Variants in GRM4 observed in about 807,000 individuals in gnomAD.
GRM4 encodes glutamate metabotropic receptor 4, also known as metabotropic glutamate receptor 4.
GRM4 carries 28 observed loss-of-function variants against 81.7 expected under a neutral mutation model. The observed-to-expected ratio is 0.34, with a 90% CI of 0.25 to 0.47. The LOEUF is 0.47. Ranked by LOEUF, GRM4 falls within the 20% of genes least tolerant of loss-of-function variation. GRM4 has a pLI of 1.00. For missense variants in GRM4, 948 were observed against 1,290.0 expected (o/e 0.73, Z 4.06); for synonymous variants, 488 against 528.8 (o/e 0.92, Z 1.06).
At chr6:34,077,723 T>C (rs1457573540) in intron 3 of GRM4, among the ~76,000 whole-genome samples, 1 of 152,122 alleles carries the variant, frequency 6.6e-6, no homozygotes, top group East Asian at 1.9e-4. Context: ...TGCTCTGCCT[T>C]TGATGTCTGA....
intron 2 of GRM4, among the ~76,000 whole-genome samples, chr6:34,128,256 C>T (rs547018548): frequency 2.6e-5 from 4 of 152,334 alleles, no homozygotes; most frequent in South Asian, 2.1e-4. Flanking sequence ...TCCGCATCGC[C>T]GGAGTCCCTC....
In GRM4 at chr6:34,036,035, C is replaced by T. The variant is rs1389375237; in HGVS notation, c.2075G>A (p.Arg692His). Residue 692 changes from arginine to histidine, a missense_variant, in exon 9 of 11, where the codon CGC becomes CAC. Coordinates refer to ENST00000538487, the MANE Select transcript of GRM4 (RefSeq NM_000841.4). The surrounding 1 kb of genome is among the most constrained non-coding windows in gnomAD (Gnocchi z 9.0). The part of the protein sequence containing the change: ...EQGKRSVSAP[R>H]FISPASQLAI... ...CAGCTGTGAGGCGGGGCTGATGAAG[C>T]GTGGGGCACTGACCGAGCGCTTGCC... The T allele has an allele frequency of 2.5e-6, 4 of 1,614,056 alleles. No homozygotes were observed. The highest frequency in any genetic ancestry group is 1.1e-5 in the South Asian group (1 of 91,062).
At chr6:34,072,124 T>TCACCACACAGATACACAGCACACAC (rs1766929717) in intron 3 of GRM4, among the ~76,000 whole-genome samples, 1 of 17,038 alleles carries the variant, frequency 5.9e-5, no homozygotes, top group Non-Finnish European at 1.3e-4. Context: ...ACACCACACA[T>TCACCACACAGATACACAGCACACAC]AGACACACAT....
intron 6 of GRM4, among the ~76,000 whole-genome samples, chr6:34,043,480 C>T (rs1362491894): frequency 6.6e-6 from 1 of 152,186 alleles, no homozygotes; most frequent in African/African-American, 2.4e-5. Context: ...TTGACTCCCC[C>T]ACAGCTCCCA....
intron 2 of GRM4, among the ~76,000 whole-genome samples, chr6:34,101,124 C>T (rs1416749982): frequency 6.6e-6 from 1 of 152,202 alleles, no homozygotes; most frequent in Non-Finnish European, 1.5e-5. Flanking sequence ...CAAGTTCACA[C>T]TCATCACAGG....
chr6:34,059,227 G>T lies in GRM4; in HGVS notation c.873-99C>A. On this transcript the variant is annotated intron_variant, in intron 4 of 10. Transcript: ENST00000538487. The surrounding 1 kb of genome is among the most constrained non-coding windows in gnomAD (Gnocchi z 5.7). ...TTTGGGCCCACGTCCCTCACCCCCAGAAGCCCAGGGTCCACAACTGTCCCA... is the reference window on the plus strand; with the variant it reads ...TTTGGGCCCACGTCCCTCACCCCCATAAGCCCAGGGTCCACAACTGTCCCA... 9.4e-7 allele frequency: 1 copy of T among 1,062,520 alleles called. No homozygotes were observed. The highest frequency in any genetic ancestry group is 1.4e-6 in the Non-Finnish European group (1 of 714,150). The allele number at this position is 1,062,520 out of a possible 1,614,324, so 65.8% of individuals were successfully genotyped here.
chr6:34,043,962 C>T (rs1765133718), intron 6 of GRM4, among the ~76,000 whole-genome samples: 2 of 152,036 alleles, frequency 1.3e-5, no homozygotes, highest in South Asian at 2.1e-4. Flanking sequence ...TCAAGTCTAC[C>T]CCCAGTAGCA....
intron 2 of GRM4, among the ~76,000 whole-genome samples, chr6:34,100,820 C>T (rs1458270095): frequency 6.6e-6 from 1 of 152,224 alleles, no homozygotes; most frequent in Non-Finnish European, 1.5e-5. Context: ...GAATTGCAGT[C>T]GTGAGACCTA....
At chr6:34,023,401 T>C (rs1763984585) in intron 10 of GRM4, among the ~76,000 whole-genome samples, 1 of 152,198 alleles carries the variant, frequency 6.6e-6, no homozygotes, top group Admixed American at 6.5e-5. Flanking sequence ...AACAGTGGCC[T>C]AAGGGAAGAG....
intron 9 of GRM4, among the ~76,000 whole-genome samples, chr6:34,032,396 T>C (rs963720225): frequency 6.6e-6 from 1 of 152,226 alleles, no homozygotes; most frequent in African/African-American, 2.4e-5. Flanking sequence ...CAGCCAGACC[T>C]GCAGCTTGCA....
Position 34,056,529 on chromosome 6 carries a change from G to C in GRM4, c.1168+15C>G. On this transcript the variant is annotated intron_variant, in intron 6 of 10. Coordinates refer to ENST00000538487, the MANE Select transcript of GRM4 (RefSeq NM_000841.4). Reference sequence around the variant, plus strand: ...TCCTAGAGCCCGCCCGGCCCTGCCCGGCCCGCGTGCTCACTGGTGCACTTC... The same window carrying C: ...TCCTAGAGCCCGCCCGGCCCTGCCCCGCCCGCGTGCTCACTGGTGCACTTC... The C allele has an allele frequency of 6.2e-7, 1 of 1,608,286 alleles. No individual in the cohort carries two copies.
intron 9 of GRM4, among the ~76,000 whole-genome samples, chr6:34,030,146 A>G (rs2127438054): frequency 6.6e-6 from 1 of 152,364 alleles, no homozygotes; most frequent in Non-Finnish European, 1.5e-5. Context: ...AAGAAGCTCC[A>G]GAGCATCAAA....
At chr6:34,024,617 G>T in intron 10 of GRM4, 1 of 455,012 alleles carries the variant, frequency 2.2e-6, no homozygotes, top group South Asian at 1.5e-5. Flanking sequence ...GTCCACCATG[G>T]GACCAGTAGG....
chr6:34,114,170 A>G lies in GRM4; in HGVS notation c.519+18808T>C, dbSNP rs1025244080. On this transcript the variant is annotated intron_variant, in intron 2 of 10. Transcript: ENST00000538487. This position sits in a 1 kb window ranked among gnomAD's most constrained non-coding sequence, Gnocchi z 4.3. Reference sequence around the variant, plus strand: ...GCCCTGGGCAGGTCCCCTCCACAGCACCTGTCCCCACTCATGTAAGTGATT... The same window carrying G: ...GCCCTGGGCAGGTCCCCTCCACAGCGCCTGTCCCCACTCATGTAAGTGATT... Among the ~76,000 whole-genome samples, 10 of 152,110 alleles carry G rather than the reference A, an allele frequency of 6.6e-5. No homozygotes were observed. Among genetic ancestry groups the G allele is most frequent in the African/African-American group, 2.2e-4 (9 of 41,480 alleles).
At position 34,080,587 on chromosome 6, in the gene GRM4, C is replaced by T. The variant is rs1301252095; in HGVS notation, c.736+11296G>A. Among the ~76,000 whole-genome samples, 2 of 152,136 alleles carry T rather than the reference C, an allele frequency of 1.3e-5. No individual in the cohort carries two copies. The highest frequency in any genetic ancestry group is 2.9e-5 in the Non-Finnish European group (2 of 68,026). On this transcript the variant is annotated intron_variant, in intron 3 of 10. Coordinates refer to ENST00000538487, the MANE Select transcript of GRM4 (RefSeq NM_000841.4). This position sits in a 1 kb window ranked among gnomAD's most constrained non-coding sequence, Gnocchi z 5.4. ...GGGCAGAAGGAAAAAAATGGCCACG[C>T]CCCTCCTCACCAGCCATACCCCTGG...
At position 34,145,060 on chromosome 6, in the gene GRM4, T is replaced by C. The variant is rs1770868819; in HGVS notation, c.-364+940A>G. ...GGAGGCCGGAGGGCACGGTCCCCTC[T>C]GTCGGTCCCCCTCGGGCCACAACTC... is the stretch of plus-strand genomic sequence containing the variant. On this transcript the variant is annotated intron_variant, in intron 1 of 10. Transcript: ENST00000538487. Among the ~76,000 whole-genome samples the C allele has an allele frequency of 2.0e-5, 3 of 152,006 alleles. No individual in the cohort carries two copies. In the East Asian group the frequency reaches 5.8e-4, roughly 29 times the overall value.
chr6:34,134,879 T>A (rs1770394901), intron 1 of GRM4, among the ~76,000 whole-genome samples: 1 of 152,210 alleles, frequency 6.6e-6, no homozygotes, highest in African/African-American at 2.4e-5. Flanking sequence ...TCATTCTCAC[T>A]GCTAATTTGG....
At chr6:34,046,284 A>G (rs1244124360) in intron 6 of GRM4, among the ~76,000 whole-genome samples, 1 of 152,196 alleles carries the variant, frequency 6.6e-6, no homozygotes, top group African/African-American at 2.4e-5. Flanking sequence ...CTACACACAC[A>G]TGCATGCTCT....
chr6:34,064,064 G>T lies in GRM4; in HGVS notation c.737-2036C>A, dbSNP rs915552864. The stretch of plus-strand genomic sequence containing the variant: ...GGGCATATCTTGCAAGCTTCGTTTT[G>T]CTGGTGAAGGAAGGATTAGGTGACC... On this transcript the variant is annotated intron_variant, in intron 3 of 10. Coordinates refer to ENST00000538487, the MANE Select transcript of GRM4 (RefSeq NM_000841.4). This position sits in a 1 kb window ranked among gnomAD's most constrained non-coding sequence, Gnocchi z 4.4. Among the ~76,000 whole-genome samples the T allele has an allele frequency of 6.6e-6, 1 of 152,168 alleles. No homozygotes were observed. The highest frequency in any genetic ancestry group is 1.5e-5 in the Non-Finnish European group (1 of 68,030).
Sources: gnomAD v4.1 joint callset for allele counts (sites outside exome capture counted in the v4.1 genomes callset) on GRCh38, gnomAD v4.1.1 for gene constraint, Gnocchi (gnomAD v3.1) non-coding constraint, MANE v1.5 for transcripts, NCBI Gene and HGNC (gene_info 2026-07-23, HGNC 2026-07-21) for gene names.